PRTG: variants seen among roughly 807,000 people sequenced by gnomAD.
The protein encoded by PRTG is immunoglobulin superfamily, DCC subclass, member 5.
PRTG carries 67 observed loss-of-function variants against 122.5 expected under a neutral mutation model. The ratio of observed to expected loss-of-function variants is 0.55; its 90% CI spans 0.45 to 0.67. The LOEUF is 0.67. PRTG is among the 30% of genes least tolerant of loss of function. PRTG has a pLI of 0.00. For synonymous variants in PRTG, 554 were observed against 501.1 expected (o/e 1.11, Z -1.41); for missense variants, 1,435 against 1,415.4 (o/e 1.01, Z -0.22).
intron 2 of PRTG, among the ~76,000 whole-genome samples, chr15:55,708,369 G>A (rs2030235278): frequency 6.6e-6 from 1 of 152,098 alleles, no homozygotes; most frequent in African/African-American, 2.4e-5. Flanking sequence ...AGCACTTTGG[G>A]AAGCCTAGGC....
chr15:55,702,243 T>C (rs2029920743), intron 2 of PRTG, among the ~76,000 whole-genome samples: 1 of 152,232 alleles, frequency 6.6e-6, no homozygotes, highest in Non-Finnish European at 1.5e-5. Flanking sequence ...TATCTTCACC[T>C]CTTCTATAAA....
At chr15:55,706,104 C>A (rs550359971) in intron 2 of PRTG, among the ~76,000 whole-genome samples, 1 of 149,068 alleles carries the variant, frequency 6.7e-6, no homozygotes, top group East Asian at 2.0e-4. Flanking sequence ...TCGTCATCTG[C>A]CCACTTTGGC....
intron 2 of PRTG, among the ~76,000 whole-genome samples, chr15:55,738,002 CTATATA>C (rs1178371931): frequency 0.071 from 6,843 of 95,948 alleles, 370 homozygotes; most frequent in Non-Finnish European, 0.11. Context: ...CTCTCTCTCT[CTATATA>C]TATATATATA....
In PRTG at chr15:55,628,830, T is replaced by A; in HGVS notation, c.2798A>T (p.Asp933Val). The change falls in exon 16 of 20, where the codon GAT (aspartate) becomes GTT (valine). Residue 933 changes from aspartate to valine, a missense_variant. Transcript: ENST00000389286. ...NQRPKRLDSA[D>V]AKVYSGYYHL... ...TACGGCAGTATACAGACCTTTGGCA[T>A]CAGCAGAATCTAAACGCTTGGGCCT... 1 of 1,612,802 alleles carries A rather than the reference T, an allele frequency of 6.2e-7. No homozygotes were observed. The highest frequency in any genetic ancestry group is 1.3e-5 in the African/African-American group (1 of 74,964).
chr15:55,705,682 CCT>C (rs1224505448), intron 2 of PRTG, among the ~76,000 whole-genome samples: 1 of 151,984 alleles, frequency 6.6e-6, no homozygotes, highest in African/African-American at 2.4e-5. Flanking sequence ...CTCAAGTGAT[CCT>C]CCCGCTTCAG....
At chr15:55,669,305 C>G (rs894587013) in intron 11 of PRTG, among the ~76,000 whole-genome samples, 1 of 152,164 alleles carries the variant, frequency 6.6e-6, no homozygotes, top group Non-Finnish European at 1.5e-5. Context: ...GCCGACTTAG[C>G]AAATCTAGCT....
intron 11 of PRTG, among the ~76,000 whole-genome samples, chr15:55,657,162 T>C (rs1394558465): frequency 6.6e-6 from 1 of 152,304 alleles, no homozygotes; most frequent in East Asian, 1.9e-4. Flanking sequence ...CTGTAATTTC[T>C]CAGAATAGAG....
chr15:55,704,510 CATT>C lies in PRTG; in HGVS notation c.398-20582_398-20580del, dbSNP rs550951797. ...GTATATTAAATTATTTGTTGATAAA[CATT>C]ATAGCATTGTTCTTCATCGTTTTAT... is the stretch of plus-strand genomic sequence containing the variant. On this transcript the variant is annotated intron_variant, in intron 2 of 19. Transcript: ENST00000389286. 5.9e-5 allele frequency among the ~76,000 whole-genome samples: 9 copies of C among 152,240 alleles called. No homozygotes were observed. The South Asian group carries it at 1.9e-3, about 32-fold the overall frequency.
rs1567121674 is a variant in PRTG at position 55,738,005 on chromosome 15, TA to T, written c.397+2376del. Among the ~76,000 whole-genome samples the T allele has an allele frequency of 3.7e-3, 248 of 67,930 alleles. 4 individuals are homozygous for T. Among genetic ancestry groups the T allele is most frequent in the South Asian group, 0.016 (34 of 2,148 alleles). The allele number at this position is 67,930 out of a possible 152,430, so 44.6% of individuals were successfully genotyped here. A position where few individuals can be genotyped will look rare whatever the true frequency, so the allele number is the denominator to read the frequency against. On this transcript the variant is annotated intron_variant, in intron 2 of 19. Transcript: ENST00000389286. Reference sequence around the variant, plus strand: ...CTCTCTCTCTCTCTCTCTCTCTCTATATATATATATATATATATATACACAC... The same window carrying T: ...CTCTCTCTCTCTCTCTCTCTCTCTATTATATATATATATATATATACACAC...
chr15:55,640,100 G>T, intron 12 of PRTG: 1 of 355,960 alleles, frequency 2.8e-6, no homozygotes, highest in Non-Finnish European at 3.9e-6. Flanking sequence ...TCATCATTCT[G>T]TGGCTGTCAG....
At chr15:55,688,375 T>C (rs1595652593) in intron 2 of PRTG, among the ~76,000 whole-genome samples, 2 of 150,934 alleles carry the variant, frequency 1.3e-5, no homozygotes, top group South Asian at 4.4e-4. Flanking sequence ...TCTGTTCTTT[T>C]CTCTCTCCAT....
At chr15:55,647,041 C>T (rs907988131) in intron 11 of PRTG, among the ~76,000 whole-genome samples, 2 of 152,048 alleles carry the variant, frequency 1.3e-5, no homozygotes, top group Admixed American at 6.6e-5. Context: ...TGCCTGTAAT[C>T]CCAGCATTTT....
chr15:55,666,394 A>G (rs1165275690), intron 11 of PRTG, among the ~76,000 whole-genome samples: 1 of 152,242 alleles, frequency 6.6e-6, no homozygotes, highest in South Asian at 2.1e-4. Flanking sequence ...TTTAAAATAT[A>G]CATTTTGGGA....
chr15:55,698,713 T>C (rs567643284), intron 2 of PRTG, among the ~76,000 whole-genome samples: 1 of 152,292 alleles, frequency 6.6e-6, no homozygotes, highest in Non-Finnish European at 1.5e-5. Context: ...GAAGAAATGA[T>C]GCTCATAAGT....
chr15:55,714,743 A>AT (rs1184732595), intron 2 of PRTG, among the ~76,000 whole-genome samples: 3 of 152,166 alleles, frequency 2.0e-5, no homozygotes, highest in South Asian at 2.1e-4. Context: ...CTGTGAGATG[A>AT]TTTTTTCTAC....
At chr15:55,635,074 G>GTGTGTGTGTGTGTGTGTGTGTGTGTGTGT (rs1567076962) in intron 15 of PRTG, among the ~76,000 whole-genome samples, 4 of 135,338 alleles carry the variant, frequency 3.0e-5, no homozygotes, top group East Asian at 2.1e-4. Flanking sequence ...GTTGGTTCTG[G>GTGTGTGTGTGTGTGTGTGTGTGTGTGTGT]GTGTGTGTGT....
chr15:55,639,845 T>C lies in PRTG; in HGVS notation c.2138-17A>G. 1.2e-6 allele frequency: 2 copies of C among 1,612,508 alleles called. No individual in the cohort carries two copies. The highest frequency in any genetic ancestry group is 8.5e-7 in the Non-Finnish European group (1 of 1,179,092). Reference sequence around the variant, plus strand: ...CACGAACAGCTATTGAGAAAAACAATGTTAATTTACGATACGACATAACAT... The same window carrying C: ...CACGAACAGCTATTGAGAAAAACAACGTTAATTTACGATACGACATAACAT... On this transcript the variant is annotated splice_polypyrimidine_tract_variant and intron_variant, in intron 12 of 19. Coordinates refer to ENST00000389286, the MANE Select transcript of PRTG (RefSeq NM_173814.6).
At chr15:55,653,690 C>G (rs2059365656) in intron 11 of PRTG, among the ~76,000 whole-genome samples, 1 of 152,168 alleles carries the variant, frequency 6.6e-6, no homozygotes, top group Non-Finnish European at 1.5e-5. Flanking sequence ...TCTCGAACTC[C>G]TGACCTCAGG....
chr15:55,656,428 A>T, intron 11 of PRTG: 1 of 434,804 alleles, frequency 2.3e-6, no homozygotes, highest in Non-Finnish European at 4.5e-6. Flanking sequence ...AAAGGAAAAT[A>T]AAAAATCTAT....
Sources: allele counts gnomAD v4.1 joint callset (sites outside exome capture counted in the v4.1 genomes callset), GRCh38; gene constraint gnomAD v4.1.1; transcripts MANE v1.5; gene names NCBI Gene and HGNC (gene_info 2026-07-23, HGNC 2026-07-21).